FLRT1: variants seen among roughly 807,000 people sequenced by gnomAD.
FLRT1 encodes fibronectin leucine rich transmembrane protein 1.
A neutral mutation model predicts 30.9 loss-of-function variants in FLRT1; 14 were observed. The ratio of observed to expected loss-of-function variants is 0.45; its 90% CI spans 0.30 to 0.71. The LOEUF (loss-of-function observed/expected upper bound fraction) is 0.71, where lower values mean the gene tolerates loss of function less well. FLRT1 is among the 30% of genes least tolerant of loss of function. FLRT1 has a pLI of 0.08. For synonymous variants in FLRT1, 368 were observed against 430.4 expected (o/e 0.85, Z 1.80); for missense variants, 737 against 949.2 (o/e 0.78, Z 2.94).
At chr11:64,084,712 C>A (rs757790731) in intron 1 of FLRT1, among the ~76,000 whole-genome samples, 29 of 152,214 alleles carry the variant, frequency 1.9e-4, no homozygotes, top group Non-Finnish European at 3.5e-4. Context: ...TCCACGTGCC[C>A]GTGCTGCTTC....
intron 1 of FLRT1, among the ~76,000 whole-genome samples, chr11:64,057,077 C>T (rs746771031): frequency 5.9e-5 from 9 of 152,192 alleles, no homozygotes; most frequent in South Asian, 2.1e-4. Flanking sequence ...CAGCCTGCGT[C>T]GCACCAGCTC....
In FLRT1 at chr11:64,118,732, C is replaced by T. The variant is rs144040219; in HGVS notation, c.*440C>T. ...TCTCAAAGCTCCCACGCAGCTCTCC[C>T]GCCACTGGCCACTCGCTGGCGACCC... On this transcript the variant is annotated 3_prime_UTR_variant, in exon 3 of 3. Coordinates refer to ENST00000682287, the MANE Select transcript of FLRT1 (RefSeq NM_013280.5). The T allele has an allele frequency of 3.8e-4, 65 of 170,128 alleles. 1 individual carries two copies. In the East Asian group the frequency reaches 8.9e-3, roughly 23 times the overall value. The allele number at this position is 170,128 out of a possible 1,614,324, so 10.5% of individuals were successfully genotyped here. A position where few individuals can be genotyped will look rare whatever the true frequency, so the allele number is the denominator to read the frequency against.
intron 1 of FLRT1, among the ~76,000 whole-genome samples, chr11:64,054,123 C>G (rs924832695): frequency 1.3e-5 from 2 of 152,126 alleles, no homozygotes; most frequent in Admixed American, 6.5e-5. Flanking sequence ...CTGAGTTCTA[C>G]CAGGCAGGAG....
chr11:64,111,015 G>A (rs866396517), intron 2 of FLRT1, among the ~76,000 whole-genome samples: 18 of 152,208 alleles, frequency 1.2e-4, no homozygotes, highest in Admixed American at 9.8e-4. Flanking sequence ...ACAGTGGAGC[G>A]GAAAGGCCTT....
At chr11:64,097,622 G>A (rs1944600719) in intron 1 of FLRT1, among the ~76,000 whole-genome samples, 1 of 152,268 alleles carries the variant, frequency 6.6e-6, no homozygotes, top group Admixed American at 6.5e-5. Context: ...TCAGGAGATG[G>A]TTTAATTAGC....
intron 1 of FLRT1, among the ~76,000 whole-genome samples, chr11:64,088,188 C>T (rs180978291): frequency 1.1e-4 from 16 of 152,218 alleles, no homozygotes; most frequent in African/African-American, 3.6e-4. Flanking sequence ...AGCAGCCAGA[C>T]TCCTCCAGGG....
chr11:64,048,143 C>T (rs903461856), intron 1 of FLRT1, among the ~76,000 whole-genome samples: 17 of 152,188 alleles, frequency 1.1e-4, no homozygotes, highest in African/African-American at 4.1e-4. Context: ...AGGGGCCCTG[C>T]CCCCACGACA....
chr11:64,060,936 C>CGG (rs1274184418), intron 1 of FLRT1, among the ~76,000 whole-genome samples: 1 of 151,872 alleles, frequency 6.6e-6, no homozygotes, highest in East Asian at 2.0e-4. Flanking sequence ...GGCATGCGCA[C>CGG]CGCGGCGGCG....
intron 1 of FLRT1, among the ~76,000 whole-genome samples, chr11:64,049,046 A>G (rs1652829779): frequency 7.9e-6 from 1 of 126,300 alleles, no homozygotes; most frequent in Non-Finnish European, 1.6e-5. Context: ...TGATAGGCAG[A>G]TCACATATTT....
intron 2 of FLRT1, among the ~76,000 whole-genome samples, chr11:64,106,889 TA>T (rs201216583): frequency 2.0e-5 from 3 of 152,058 alleles, no homozygotes; most frequent in African/African-American, 7.3e-5. Context: ...TATTTTATTT[TA>T]TTTTTTTTTG....
In FLRT1 at chr11:64,063,590, C is replaced by T. The variant is rs1184266651; in HGVS notation, c.-1038+27431C>T. On this transcript the variant is annotated intron_variant, in intron 1 of 2. Transcript: ENST00000682287. Reference sequence around the variant, plus strand: ...CAATGCGGCCTCTTCCCCGGCGTCTCTTCCTGGTGAAGCTCACGTAGGAAT... The same window carrying T: ...CAATGCGGCCTCTTCCCCGGCGTCTTTTCCTGGTGAAGCTCACGTAGGAAT... 9.9e-5 allele frequency among the ~76,000 whole-genome samples: 15 copies of T among 152,208 alleles called. 1 individual carries two copies. Among genetic ancestry groups the T allele is most frequent in the Admixed American group, 4.6e-4 (7 of 15,288 alleles).
rs1944572120 is a variant in FLRT1 at position 64,096,119 on chromosome 11, G to A, written c.-1037-7075G>A. Among the ~76,000 whole-genome samples the A allele has an allele frequency of 6.6e-6, 1 of 152,234 alleles. No homozygotes were observed. The highest frequency in any genetic ancestry group is 6.5e-5 in the Admixed American group (1 of 15,290). The stretch of plus-strand genomic sequence containing the variant: ...CAGGCTGCCAGGAGACGCTGTGAGA[G>A]TGCCCAGACCCTGGAGGCCAGGAGG... On this transcript the variant is annotated intron_variant, in intron 1 of 2. Transcript: ENST00000682287. This position sits in a 1 kb window ranked among gnomAD's most constrained non-coding sequence, Gnocchi z 4.6.
intron 2 of FLRT1, among the ~76,000 whole-genome samples, chr11:64,113,303 G>A (rs1392316136): frequency 2.0e-5 from 3 of 152,244 alleles, no homozygotes; most frequent in African/African-American, 7.2e-5. Flanking sequence ...GGAATCCCAA[G>A]TGGCTACAAC....
chr11:64,041,422 G>C (rs1251464404), intron 1 of FLRT1, among the ~76,000 whole-genome samples: 1 of 151,954 alleles, frequency 6.6e-6, no homozygotes, highest in Non-Finnish European at 1.5e-5. Context: ...GGAACCAGGA[G>C]GGGCTTTTCC....
chr11:64,093,951 G>A (rs1189753866), intron 1 of FLRT1, among the ~76,000 whole-genome samples: 5 of 152,212 alleles, frequency 3.3e-5, no homozygotes, highest in Non-Finnish European at 2.9e-5. Flanking sequence ...AGAAGCAGAG[G>A]ATAGCTGGCT....
At chr11:64,114,041 T>C (rs1389819053) in intron 2 of FLRT1, among the ~76,000 whole-genome samples, 1 of 149,098 alleles carries the variant, frequency 6.7e-6, no homozygotes, top group South Asian at 2.2e-4. Context: ...GACAGGTGGA[T>C]GCATGGGTTG....
chr11:64,105,804 G>A (rs972068639), intron 2 of FLRT1, among the ~76,000 whole-genome samples: 4 of 152,190 alleles, frequency 2.6e-5, no homozygotes, highest in African/African-American at 7.2e-5. Flanking sequence ...GGAGGTGGGC[G>A]GGGAGGCTGC....
chr11:64,064,473 G>A lies in FLRT1; in HGVS notation c.-1038+28314G>A, dbSNP rs78808354. On this transcript the variant is annotated intron_variant, in intron 1 of 2. Coordinates refer to ENST00000682287, the MANE Select transcript of FLRT1 (RefSeq NM_013280.5). The surrounding 1 kb of genome is among the most constrained non-coding windows in gnomAD (Gnocchi z 4.5). The stretch of plus-strand genomic sequence containing the variant: ...TCTGTTTTCTCTTGGCCAAAGAACC[G>A]GAGGCCTCAGGCCTGCCCCGGATGG... 0.012 allele frequency among the ~76,000 whole-genome samples: 1,771 copies of A among 152,228 alleles called. 15 individuals are homozygous for A. Among genetic ancestry groups the A allele is most frequent in the Non-Finnish European group, 0.019 (1,283 of 67,986 alleles).
chr11:64,116,035 G>A (rs1412977691), intron 2 of FLRT1, among the ~76,000 whole-genome samples, 184 bp from the exon 3 acceptor site: 3 of 152,160 alleles, frequency 2.0e-5, no homozygotes, highest in African/African-American at 4.8e-5. Context: ...CGACCTCGGC[G>A]GGAGCAATCA....
Sources: gnomAD v4.1 joint callset for allele counts (sites outside exome capture counted in the v4.1 genomes callset) on GRCh38, gnomAD v4.1.1 for gene constraint, Gnocchi (gnomAD v3.1) non-coding constraint, MANE v1.5 for transcripts, NCBI Gene and HGNC (gene_info 2026-07-23, HGNC 2026-07-21) for gene names.